Variants in LAMC3 observed in about 807,000 individuals in gnomAD.
The protein encoded by LAMC3 is laminin subunit gamma 3.
In LAMC3, 128 loss-of-function variants were observed where a neutral mutation model predicts 173.8. That is an observed-to-expected ratio of 0.74 (90% CI 0.64 to 0.85). The LOEUF is 0.85. LAMC3 is among the 40% of genes least tolerant of loss of function. The pLI is 0.00. For missense variants in LAMC3, 2,022 were observed against 2,156.0 expected (o/e 0.94, Z 1.23); for synonymous variants, 897 against 909.1 (o/e 0.99, Z 0.24).
At chr9:131,015,633 C>T (rs1362327854) in intron 1 of LAMC3, among the ~76,000 whole-genome samples, 1 of 152,168 alleles carries the variant, frequency 6.6e-6, no homozygotes, top group Non-Finnish European at 1.5e-5. Context: ...GCAAGGGCCC[C>T]TGTGTGCATA....
Position 131,068,167 on chromosome 9 carries a change from G to A in LAMC3, c.2683G>A (p.Ala895Thr), listed in dbSNP as rs766591439. ...GQCSCLPHVT[A>T]RDCSRCYPGF... ...ATGCTCCTGCCTGCCTCATGTGACTGCACGGGACTGCAGCCGCTGCTACCC... is the reference window on the plus strand; with the variant it reads ...ATGCTCCTGCCTGCCTCATGTGACTACACGGGACTGCAGCCGCTGCTACCC... Residue 895 changes from alanine (A) to threonine (T), a missense_variant, in exon 15 of 28, where the codon GCA (alanine) becomes ACA (threonine). Coordinates refer to ENST00000361069, the MANE Select transcript of LAMC3 (RefSeq NM_006059.4). 23 of 1,613,218 alleles carry A rather than the reference G, an allele frequency of 1.4e-5. No homozygotes were observed. The highest frequency in any genetic ancestry group is 1.9e-5 in the Non-Finnish European group (22 of 1,179,976).
Position 131,087,573 on chromosome 9 carries a change from A to G in LAMC3, c.4328A>G (p.Gln1443Arg). Reference sequence around the variant, plus strand: ...GCCACGCTCCAACAGGCGTCCCAGCAGGTGCTGGCGTCTGAAGCACGCAGA... The same window carrying G: ...GCCACGCTCCAACAGGCGTCCCAGCGGGTGCTGGCGTCTGAAGCACGCAGA... The part of the protein sequence containing the change: ...TQATLQQASQ[Q>R]VLASEARRQE... Residue 1443 changes from glutamine (Q) to arginine (R), a missense_variant, in exon 26 of 28, where the codon CAG becomes CGG. Gln to Arg is a conservative substitution (Grantham distance 43). Coordinates refer to ENST00000361069, the MANE Select transcript of LAMC3 (RefSeq NM_006059.4). The G allele has an allele frequency of 6.2e-7, 1 of 1,613,986 alleles. No individual in the cohort carries two copies. The highest frequency in any genetic ancestry group is 8.5e-7 in the Non-Finnish European group (1 of 1,180,034).
intron 25 of LAMC3, among the ~76,000 whole-genome samples, chr9:131,086,653 C>A (rs1395576968): frequency 1.4e-5 from 2 of 146,172 alleles, no homozygotes; most frequent in Non-Finnish European, 3.0e-5. Context: ...TTTGGGAGGC[C>A]AAGGCAGGCA....
intron 7 of LAMC3, among the ~76,000 whole-genome samples, chr9:131,042,490 C>T (rs1040328616): frequency 6.0e-5 from 9 of 150,820 alleles, no homozygotes; most frequent in East Asian, 2.0e-4. Context: ...TTCACACTCA[C>T]GGCCAACATC....
At chr9:131,046,357 C>T (rs1834158995) in intron 8 of LAMC3, among the ~76,000 whole-genome samples, 1 of 150,840 alleles carries the variant, frequency 6.6e-6, no homozygotes, top group East Asian at 1.9e-4. Flanking sequence ...TGTGCACCAC[C>T]GTGCCCGGCT....
In LAMC3 at chr9:131,009,178, G is replaced by T. The variant is rs1440700925; in HGVS notation, c.-37G>T. On this transcript the variant is annotated 5_prime_UTR_variant, in exon 1 of 28. Transcript: ENST00000361069. This position sits in a 1 kb window ranked among gnomAD's most constrained non-coding sequence, Gnocchi z 4.3. Reference sequence around the variant, plus strand: ...CGGTCCGCGCCCACCCTAGCCGAGCGGGGCCGGCAGAGCGCGCGGCGTCGG... The same window carrying T: ...CGGTCCGCGCCCACCCTAGCCGAGCTGGGCCGGCAGAGCGCGCGGCGTCGG... 2.6e-6 allele frequency: 3 copies of T among 1,172,456 alleles called. No individual in the cohort carries two copies. Among genetic ancestry groups the T allele is most frequent in the South Asian group, 8.5e-5 (2 of 23,612 alleles). The allele number at this position is 1,172,456 out of a possible 1,614,324, so 72.6% of individuals were successfully genotyped here. A position where few individuals can be genotyped will look rare whatever the true frequency, so the allele number is the denominator to read the frequency against.
chr9:131,073,427 T>C, intron 20 of LAMC3, 106 bp downstream of exon 20: 9 of 843,758 alleles, frequency 1.1e-5, no homozygotes, highest in Non-Finnish European at 1.8e-5. Flanking sequence ...GATCAGATAT[T>C]ACAAGAGCTG....
At position 131,075,927 on chromosome 9, in the gene LAMC3, A is replaced by G. The variant is rs78343443; in HGVS notation, c.3591A>G (p.Gly1197=). The change falls in exon 21 of 28, where the codon GGA becomes GGG. Residue 1197 remains glycine (G), a synonymous_variant. Transcript: ENST00000361069. The part of the protein sequence containing the change: ...SYALLWNLLE[G]RVALETQRDL... ...CGCTTCTCTGGAATCTGCTGGAGGG[A>G]AGGGTGGCCCTAGAGACCCAGCGGG... is the stretch of plus-strand genomic sequence containing the variant. 6.2e-7 allele frequency: 1 copy of G among 1,610,762 alleles called. No individual in the cohort carries two copies. Among genetic ancestry groups the G allele is most frequent in the Non-Finnish European group, 8.5e-7 (1 of 1,177,992 alleles).
chr9:131,045,243 C>CA (rs1325413321), intron 7 of LAMC3, among the ~76,000 whole-genome samples: 1 of 143,412 alleles, frequency 7.0e-6, no homozygotes, highest in African/African-American at 2.7e-5. Context: ...AAAACAACAA[C>CA]AACAAAAAAA....
At chr9:131,071,262 G>A (rs919871845) in intron 17 of LAMC3, among the ~76,000 whole-genome samples, 10 of 152,116 alleles carry the variant, frequency 6.6e-5, no homozygotes, top group Admixed American at 2.6e-4. Flanking sequence ...TGTGGTCAGC[G>A]GTGTCGGCAG....
rs1290174504 is a variant in LAMC3, at chr9:131,036,138, C to T, written c.810-28C>T. On this transcript the variant is annotated intron_variant, in intron 3 of 27. Transcript: ENST00000361069. ...GTCTGCCCTGCCGGCACCTGCGGGT[C>T]CCCTTCCTCCTCTGTGTCTTTTCCC... 1.9e-6 allele frequency: 3 copies of T among 1,612,364 alleles called. No homozygotes were observed. The African/African-American group carries it at 4.0e-5, about 22-fold the overall frequency.
chr9:131,079,446 C>G (rs1035439767), intron 23 of LAMC3, 148 bp downstream of exon 23: 30 of 926,006 alleles, frequency 3.2e-5, no homozygotes, highest in East Asian at 2.9e-4. Context: ...TGTAATCCCA[C>G]CACTTTGGGA....
intron 6 of LAMC3, among the ~76,000 whole-genome samples, chr9:131,039,529 G>A (rs1763461): frequency 6.6e-6 from 1 of 152,012 alleles, no homozygotes; most frequent in Non-Finnish European, 1.5e-5. Flanking sequence ...AGAGGGGAAG[G>A]ACAGGTGTTT....
chr9:131,022,552 ATATTTATT>A (rs61088633), intron 1 of LAMC3, among the ~76,000 whole-genome samples: 13 of 151,350 alleles, frequency 8.6e-5, no homozygotes, highest in East Asian at 3.9e-4. Flanking sequence ...ATTTTAGAAT[ATATTTATT>A]TATTTATTTA....
Position 131,056,948 on chromosome 9 carries a change from G to A in LAMC3, c.1959G>A (p.Glu653=). The A allele has an allele frequency of 6.2e-7, 1 of 1,613,132 alleles. No individual in the cohort carries two copies. ...CTGCAGGTCCAGTGTTCCTGACTGA[G>A]GTCCGGCTCACATCCGCCCGGCCAG... is the stretch of plus-strand genomic sequence containing the variant. ...PSPAGPVFLT[E]VRLTSARPGL... is the part of the protein sequence containing the mutation. The change falls in exon 12 of 28, where the codon GAG becomes GAA. Residue 653 remains glutamate, a synonymous_variant. Transcript: ENST00000361069.
At chr9:131,071,336 G>T in intron 17 of LAMC3, 148 bp from the exon 18 acceptor site, 1 of 808,178 alleles carries the variant, frequency 1.2e-6, no homozygotes, top group African/African-American at 1.7e-5. Context: ...GCTCTCAGAG[G>T]TGTGGCATAC....
At chr9:131,045,198 G>A (rs1444113461) in intron 7 of LAMC3, among the ~76,000 whole-genome samples, 1 of 141,848 alleles carries the variant, frequency 7.0e-6, no homozygotes, top group African/African-American at 2.6e-5. Context: ...CTCCAGCCTG[G>A]GCCACAGAAC....
At position 131,085,620 on chromosome 9, in the gene LAMC3, A is replaced by C. The variant is rs200336679; in HGVS notation, c.4127A>C (p.Lys1376Thr). The C allele has an allele frequency of 6.4e-5, 104 of 1,614,068 alleles. No homozygotes were observed. The highest frequency in any genetic ancestry group is 8.5e-5 in the Non-Finnish European group (100 of 1,180,044). The change falls in exon 25 of 28, where the codon AAG (lysine) becomes ACG (threonine). Residue 1376 changes from lysine to threonine, a missense_variant. Coordinates refer to ENST00000361069, the MANE Select transcript of LAMC3 (RefSeq NM_006059.4). Reference sequence around the variant, plus strand: ...AGACTCCTTGCAGACACGAGAAAGAAGACCAAGCAGGCGGAGAGGATGCTG... The same window carrying C: ...AGACTCCTTGCAGACACGAGAAAGACGACCAAGCAGGCGGAGAGGATGCTG... ...SDRLLADTRKKTKQAERMLGN... is the reference protein window; with the variant it reads ...SDRLLADTRKTTKQAERMLGN...
chr9:131,058,355 C>T (rs1053706828), intron 12 of LAMC3, among the ~76,000 whole-genome samples: 16 of 152,134 alleles, frequency 1.1e-4, no homozygotes, highest in Middle Eastern at 6.8e-3. Context: ...TCAAGTGATC[C>T]TCCTGCTTCA....
Sources: allele counts gnomAD v4.1 joint callset (sites outside exome capture counted in the v4.1 genomes callset), GRCh38; gene constraint gnomAD v4.1.1; non-coding constraint Gnocchi (gnomAD v3.1); transcripts MANE v1.5; gene names NCBI Gene and HGNC (gene_info 2026-07-23, HGNC 2026-07-21).